NXPH1: variants seen among roughly 807,000 people sequenced by gnomAD.
The protein encoded by NXPH1 is neurexophilin 1, also known as neurexophilin-1.
A neutral mutation model predicts 23.7 loss-of-function variants in NXPH1; 5 were observed. The ratio of observed to expected loss-of-function variants is 0.21; its 90% CI spans 0.11 to 0.44. The LOEUF is 0.44. Ranked by LOEUF, NXPH1 falls within the 20% of genes least tolerant of loss-of-function variation. The pLI, the probability that NXPH1 is intolerant of heterozygous loss-of-function variation, is 0.99. For missense variants in NXPH1, 324 were observed against 321.6 expected, an observed-to-expected ratio of 1.01 and a Z score of -0.06; for synonymous variants, 144 against 122.2, an observed-to-expected ratio of 1.18 and a Z score of -1.18.
chr7:8,689,444 G>A (rs1471444565), intron 2 of NXPH1, among the ~76,000 whole-genome samples: 1 of 152,152 alleles, frequency 6.6e-6, no homozygotes, highest in African/African-American at 2.4e-5. Context: ...GGACCTACAA[G>A]GTAATATGAA....
At chr7:8,581,073 C>T (rs1039516674) in intron 2 of NXPH1, among the ~76,000 whole-genome samples, 1 of 152,280 alleles carries the variant, frequency 6.6e-6, no homozygotes, top group African/African-American at 2.4e-5. Flanking sequence ...TCCACCTCTA[C>T]CATTCTAGAA....
intron 2 of NXPH1, among the ~76,000 whole-genome samples, chr7:8,683,020 G>A (rs534925694): frequency 1.3e-5 from 2 of 152,178 alleles, no homozygotes; most frequent in South Asian, 2.1e-4. Context: ...AAGGAATATC[G>A]TGTAGCTTGT....
At chr7:8,570,530 G>A (rs1169076110) in intron 2 of NXPH1, among the ~76,000 whole-genome samples, 4 of 152,138 alleles carry the variant, frequency 2.6e-5, no homozygotes, top group African/African-American at 4.8e-5. Context: ...AGTGATGTGC[G>A]AAGGCACCCA....
chr7:8,685,807 G>A (rs1275402455), intron 2 of NXPH1, among the ~76,000 whole-genome samples: 4 of 144,370 alleles, frequency 2.8e-5, no homozygotes, highest in African/African-American at 1.0e-4. Context: ...GGGAAGTGGG[G>A]ATGGTTAATA....
intron 2 of NXPH1, among the ~76,000 whole-genome samples, chr7:8,647,295 G>C (rs1015476934): frequency 1.3e-5 from 2 of 152,150 alleles, no homozygotes; most frequent in African/African-American, 4.8e-5. Context: ...CCCAGCGCAG[G>C]TCATGGCAAA....
chr7:8,462,926 C>A (rs945025568), intron 2 of NXPH1, among the ~76,000 whole-genome samples: 5 of 152,064 alleles, frequency 3.3e-5, no homozygotes, highest in African/African-American at 1.2e-4. Flanking sequence ...CTAATAAAAT[C>A]TCAAAGTTTG....
intron 2 of NXPH1, among the ~76,000 whole-genome samples, chr7:8,738,818 T>G (rs1158094440): frequency 6.6e-6 from 1 of 152,158 alleles, no homozygotes; most frequent in Non-Finnish European, 1.5e-5. Flanking sequence ...AGAGATGCCC[T>G]GACCAGGGAG....
At chr7:8,448,821 A>G (rs927440045) in intron 2 of NXPH1, among the ~76,000 whole-genome samples, 77 of 38,158 alleles carry the variant, frequency 2.0e-3, no homozygotes, top group African/African-American at 8.5e-3. Flanking sequence ...TCTCGGGGAA[A>G]AAAAAAAAAA....
chr7:8,678,722 C>G (rs2115174682), intron 2 of NXPH1, among the ~76,000 whole-genome samples: 1 of 152,024 alleles, frequency 6.6e-6, no homozygotes, highest in South Asian at 2.1e-4. Context: ...GTCATTTAGG[C>G]TATTACCACT....
At chr7:8,685,632 G>A (rs1389200254) in intron 2 of NXPH1, among the ~76,000 whole-genome samples, 1 of 152,006 alleles carries the variant, frequency 6.6e-6, no homozygotes, top group Non-Finnish European at 1.5e-5. Context: ...CCAGCAGTAG[G>A]ATTGTTGGAT....
At chr7:8,516,561 C>A (rs80011398) in intron 2 of NXPH1, among the ~76,000 whole-genome samples, 1,871 of 152,172 alleles carry the variant, frequency 0.012, 37 homozygotes, top group African/African-American at 0.042. Flanking sequence ...GCTGGGGTTT[C>A]CATTAAGTTG....
intron 2 of NXPH1, among the ~76,000 whole-genome samples, chr7:8,713,078 A>G (rs1453710332): frequency 1.3e-5 from 2 of 151,896 alleles, no homozygotes; most frequent in Admixed American, 6.6e-5. Flanking sequence ...TTTTCTAGAT[A>G]GGCTTTCTAT....
intron 2 of NXPH1, among the ~76,000 whole-genome samples, chr7:8,444,896 C>T (rs1174998260): frequency 6.6e-6 from 1 of 152,218 alleles, no homozygotes; most frequent in Non-Finnish European, 1.5e-5. Context: ...GTCCTCTTCT[C>T]TTGGATTTTC....
Position 8,560,612 on chromosome 7 carries a change from G to T in NXPH1, c.54+124845G>T, listed in dbSNP as rs865819649. Among the ~76,000 whole-genome samples, 12 of 151,766 alleles carry T rather than the reference G, an allele frequency of 7.9e-5. 1 individual carries two copies. Among genetic ancestry groups the T allele is most frequent in the Middle Eastern group, 3.4e-3 (1 of 294 alleles). On this transcript the variant is annotated intron_variant, in intron 2 of 2. Transcript: ENST00000405863. ...GGGGCCCTAAGGGAAAATCAAGGAA[G>T]GGGGAGAGTGAGAGGAGCCTGGGAT... is the stretch of plus-strand genomic sequence containing the variant.
chr7:8,457,407 A>G (rs1044549637), intron 2 of NXPH1, among the ~76,000 whole-genome samples: 2 of 152,216 alleles, frequency 1.3e-5, no homozygotes, highest in African/African-American at 4.8e-5. Flanking sequence ...CAAGCTATGC[A>G]GCAAAGAATC....
chr7:8,568,235 T>A (rs1480022832), intron 2 of NXPH1, among the ~76,000 whole-genome samples: 1 of 151,872 alleles, frequency 6.6e-6, no homozygotes, highest in Non-Finnish European at 1.5e-5. Context: ...TTCTCAAATG[T>A]TTTCAGCATT....
At chr7:8,468,680 AG>A (rs1279536494) in intron 2 of NXPH1, among the ~76,000 whole-genome samples, 1 of 152,042 alleles carries the variant, frequency 6.6e-6, no homozygotes, top group Non-Finnish European at 1.5e-5. Context: ...GAAAGTTCAA[AG>A]CTTGGGGTTA....
intron 2 of NXPH1, among the ~76,000 whole-genome samples, chr7:8,598,407 A>G (rs1819276768): frequency 1.3e-5 from 2 of 152,146 alleles, no homozygotes; most frequent in Admixed American, 1.3e-4. Context: ...ATATTGGGGC[A>G]CATAGACCTG....
intron 2 of NXPH1, among the ~76,000 whole-genome samples, chr7:8,668,900 T>C (rs1820823614): frequency 6.6e-6 from 1 of 151,798 alleles, no homozygotes; most frequent in African/African-American, 2.4e-5. Context: ...ACCCTGGGTA[T>C]GCTGAAGCCA....
Sources: allele counts gnomAD v4.1 joint callset (sites outside exome capture counted in the v4.1 genomes callset), GRCh38; gene constraint gnomAD v4.1.1; transcripts MANE v1.5; gene names NCBI Gene and HGNC (gene_info 2026-07-23, HGNC 2026-07-21).